Variants in DRGX observed in about 807,000 individuals in gnomAD.
The protein encoded by DRGX is dorsal root ganglia homeobox protein.
DRGX carries 21 observed loss-of-function variants against 28.6 expected under a neutral mutation model. The observed-to-expected ratio is 0.73, with a 90% CI of 0.52 to 1.06. DRGX has a LOEUF of 1.06. Ranked by LOEUF, DRGX falls within the 50% of genes least tolerant of loss-of-function variation. The pLI, the probability that DRGX is intolerant of heterozygous loss-of-function variation, is 0.00. For synonymous variants in DRGX, 136 were observed against 139.1 expected (o/e 0.98, Z 0.16); for missense variants, 354 against 343.9 (o/e 1.03, Z -0.23).
At chr10:49,391,690 C>T (rs1849907152) in intron 2 of DRGX, 1 of 451,758 alleles carries the variant, frequency 2.2e-6, no homozygotes, top group Admixed American at 2.7e-5. Flanking sequence ...AGTTTACTTT[C>T]CCTTGTTTCT....
chr10:49,376,402 G>A (rs1849717355), intron 6 of DRGX, among the ~76,000 whole-genome samples: 2 of 152,142 alleles, frequency 1.3e-5, no homozygotes, highest in Non-Finnish European at 2.9e-5. Context: ...GGAGCCCTGG[G>A]AGACTGTGTT....
intron 6 of DRGX, among the ~76,000 whole-genome samples, chr10:49,371,881 C>T (rs1344109394): frequency 1.3e-5 from 2 of 151,646 alleles, no homozygotes; most frequent in Non-Finnish European, 2.9e-5. Flanking sequence ...TGAAGATTCT[C>T]CTATGTGCAA....
chr10:49,391,297 G>T (rs368101919), intron 2 of DRGX, 36 bp from the exon 3 acceptor site: 89 of 1,589,572 alleles, frequency 5.6e-5, no homozygotes, highest in Admixed American at 1.0e-4. Flanking sequence ...GGGCAGGAAG[G>T]GGCCCCAGTC....
intron 6 of DRGX, among the ~76,000 whole-genome samples, chr10:49,381,636 T>A (rs1386842339): frequency 6.6e-6 from 1 of 152,250 alleles, no homozygotes; most frequent in Non-Finnish European, 1.5e-5. Context: ...CCACACATAA[T>A]GCTCTCGGCG....
intron 6 of DRGX, among the ~76,000 whole-genome samples, chr10:49,383,814 C>T (rs1010021844): frequency 6.6e-6 from 1 of 152,342 alleles, no homozygotes; most frequent in African/African-American, 2.4e-5. Context: ...ACCCTGCTGG[C>T]GTCCTGATCG....
rs115710447 is a variant in DRGX at position 49,380,793 on chromosome 10, G to A, written c.526+5685C>T. ...AGGTTTTGGAGAAGGTACTTCATTG[G>A]GTCCTTTAAAAGTGAATGGGGTCTA... On this transcript the variant is annotated intron_variant, in intron 6 of 6. Transcript: ENST00000374139. Among the ~76,000 whole-genome samples the A allele has an allele frequency of 5.9e-3, 897 of 152,300 alleles. 10 individuals carry two copies. The highest frequency in any genetic ancestry group is 0.02 in the African/African-American group (846 of 41,550).
chr10:49,372,935 A>G (rs757921949), intron 6 of DRGX, among the ~76,000 whole-genome samples: 2 of 152,186 alleles, frequency 1.3e-5, no homozygotes, highest in Non-Finnish European at 2.9e-5. Context: ...TGATTTCTAG[A>G]CATGGGACTC....
intron 2 of DRGX, 68 bp downstream of exon 2, chr10:49,395,339 G>A (rs534813565): frequency 1.3e-6 from 2 of 1,540,096 alleles, no homozygotes; most frequent in South Asian, 2.4e-5. Flanking sequence ...CACCAGCCCT[G>A]CTGCCGCTCC....
At chr10:49,392,910 G>A (rs1225152726) in intron 2 of DRGX, among the ~76,000 whole-genome samples, 2 of 152,132 alleles carry the variant, frequency 1.3e-5, no homozygotes, top group African/African-American at 4.8e-5. Flanking sequence ...AAAAAATGAG[G>A]TGCATAAAGA....
Position 49,365,833 on chromosome 10 carries a change from A to G in DRGX, c.*283T>C. 1 of 329,696 alleles carries G rather than the reference A, an allele frequency of 3.0e-6. No individual in the cohort carries two copies. 20.4% of individuals were successfully genotyped at this position (329,696 alleles called of 1,614,324 possible). On this transcript the variant is annotated 3_prime_UTR_variant, in exon 7 of 7. Transcript: ENST00000374139. ...CCTCCCTCCGAGACTCTGGGCCTGG[A>G]TGGAAATCCCAGGGAGGCTCCTCAC...
intron 6 of DRGX, among the ~76,000 whole-genome samples, chr10:49,385,702 T>A (rs1849824822): frequency 6.6e-6 from 1 of 150,946 alleles, no homozygotes; most frequent in Non-Finnish European, 1.5e-5. Context: ...CTTCCTATTA[T>A]CAGAAAAAAA....
intron 6 of DRGX, among the ~76,000 whole-genome samples, chr10:49,369,516 C>A (rs1849632252): frequency 6.6e-6 from 1 of 152,162 alleles, no homozygotes; most frequent in African/African-American, 2.4e-5. Context: ...ACAAATCCTG[C>A]AGGAGTCCTC....
intron 6 of DRGX, among the ~76,000 whole-genome samples, chr10:49,378,770 A>T (rs1446921044): frequency 2.0e-5 from 3 of 152,224 alleles, no homozygotes; most frequent in Non-Finnish European, 4.4e-5. Flanking sequence ...ATCTATGACT[A>T]AACCTAATTG....
chr10:49,388,939 A>C (rs1187816477), intron 4 of DRGX, among the ~76,000 whole-genome samples: 1 of 152,178 alleles, frequency 6.6e-6, no homozygotes, highest in Non-Finnish European at 1.5e-5. Flanking sequence ...CCCGGCTTTA[A>C]TTGTCACCAC....
intron 6 of DRGX, among the ~76,000 whole-genome samples, chr10:49,381,189 C>T (rs572105460): frequency 6.6e-6 from 1 of 152,358 alleles, no homozygotes; most frequent in South Asian, 2.1e-4. Context: ...AGCTCTGTCC[C>T]TGGTGGGCAG....
At chr10:49,387,417 C>T (rs57276137) in intron 4 of DRGX, among the ~76,000 whole-genome samples, 2 of 152,118 alleles carry the variant, frequency 1.3e-5, no homozygotes, top group Non-Finnish European at 2.9e-5. Flanking sequence ...CCAGGACTTT[C>T]GGATGCCAAG....
intron 6 of DRGX, among the ~76,000 whole-genome samples, chr10:49,367,050 T>C (rs1186102241): frequency 6.6e-6 from 1 of 152,152 alleles, no homozygotes; most frequent in Non-Finnish European, 1.5e-5. Context: ...TAGAAAGGAA[T>C]AGTGGCTATT....
chr10:49,383,171 G>A (rs1490579910), intron 6 of DRGX, among the ~76,000 whole-genome samples: 4 of 152,204 alleles, frequency 2.6e-5, no homozygotes, highest in African/African-American at 4.8e-5. Flanking sequence ...ACTCACATAA[G>A]CAATCCCAGC....
Position 49,395,452 on chromosome 10 carries a change from A to T in DRGX, c.-12T>A. ...TGGAAATAAAACATCGCCGGCTGTC[A>T]GATCGGCTGGACGGCCGAGACCTGG... On this transcript the variant is annotated 5_prime_UTR_variant, in exon 2 of 7. Coordinates refer to ENST00000374139, the MANE Select transcript of DRGX (RefSeq NM_001276451.2). 1.3e-6 allele frequency: 2 copies of T among 1,550,190 alleles called. No individual in the cohort carries two copies. The highest frequency in any genetic ancestry group is 1.7e-6 in the Non-Finnish European group (2 of 1,146,902).
Sources: gnomAD v4.1 joint callset for allele counts (sites outside exome capture counted in the v4.1 genomes callset) on GRCh38, gnomAD v4.1.1 for gene constraint, MANE v1.5 for transcripts, NCBI Gene and HGNC (gene_info 2026-07-23, HGNC 2026-07-21) for gene names.